Variants in FOXP1 observed in about 807,000 individuals in gnomAD.
The protein encoded by FOXP1 is forkhead box protein P1.
A neutral mutation model predicts 98.2 loss-of-function variants in FOXP1; 15 were observed. That is an observed-to-expected ratio of 0.15 (90% CI 0.10 to 0.24). The LOEUF (loss-of-function observed/expected upper bound fraction) is 0.24, where lower values mean the gene tolerates loss of function less well. Among genes scored for constraint, FOXP1 ranks in the 10% least tolerant of loss-of-function variants. FOXP1 has a pLI of 1.00. For missense variants in FOXP1, 633 were observed against 848.5 expected (o/e 0.75, Z 3.15); for synonymous variants, 371 against 314.5 (o/e 1.18, Z -1.90).
At chr3:71,105,113 A>C (rs1289387447) in intron 7 of FOXP1, among the ~76,000 whole-genome samples, 3 of 152,230 alleles carry the variant, frequency 2.0e-5, no homozygotes, top group Non-Finnish European at 2.9e-5. Flanking sequence ...TATCACAGAA[A>C]CCACTATGGG....
intron 4 of FOXP1, among the ~76,000 whole-genome samples, chr3:71,343,210 T>C (rs370267635): frequency 1.4e-4 from 22 of 152,362 alleles, no homozygotes; most frequent in African/African-American, 5.0e-4. Context: ...CCATTTATAG[T>C]TTCATCCCAA....
At chr3:71,348,540 TGTGTGTGTGCGTGC>T (rs2077535724) in intron 4 of FOXP1, among the ~76,000 whole-genome samples, 1 of 71,806 alleles carries the variant, frequency 1.4e-5, no homozygotes, top group African/African-American at 3.7e-5. Context: ...TGTGTGTGTG[TGTGTGTGTGCGTGC>T]GCGCGCGCAC....
chr3:71,149,345 A>T (rs2060465003), intron 6 of FOXP1, among the ~76,000 whole-genome samples: 1 of 152,232 alleles, frequency 6.6e-6, no homozygotes, highest in South Asian at 2.1e-4. Flanking sequence ...TATTGTATTT[A>T]ATAGAGTCTA....
chr3:71,046,540 C>T (rs752909179), intron 10 of FOXP1, among the ~76,000 whole-genome samples: 2 of 152,138 alleles, frequency 1.3e-5, no homozygotes, highest in Non-Finnish European at 2.9e-5. Context: ...TAAAGCATTA[C>T]TAAGATTTAA....
At chr3:71,041,216 C>T in intron 11 of FOXP1, 112 bp downstream of exon 11, 1 of 841,126 alleles carries the variant, frequency 1.2e-6, no homozygotes, top group Non-Finnish European at 2.1e-6. Flanking sequence ...ATTATATGCA[C>T]ATTCAAGTCA....
chr3:70,977,521 C>CCTTATAGAAAAGGTTTCAGCATG, intron 16 of FOXP1, 122 bp downstream of exon 16: 1 of 796,962 alleles, frequency 1.3e-6, no homozygotes, highest in Non-Finnish European at 2.1e-6. Context: ...TTTTAAAAAA[C>CCTTATAGAAAAGGTTTCAGCATG]CTTATAGAAA....
chr3:71,284,799 T>C (rs555432081), intron 5 of FOXP1, among the ~76,000 whole-genome samples: 2 of 152,234 alleles, frequency 1.3e-5, no homozygotes, highest in Admixed American at 6.5e-5. Flanking sequence ...TACCATATAC[T>C]GTATGGCTAC....
chr3:71,320,737 G>A (rs906893657), intron 4 of FOXP1, among the ~76,000 whole-genome samples: 3 of 152,088 alleles, frequency 2.0e-5, no homozygotes, highest in East Asian at 1.9e-4. Flanking sequence ...AGTAAACAAC[G>A]TTAACGGCAA....
chr3:71,562,949 T>C (rs1578191633), intron 2 of FOXP1, among the ~76,000 whole-genome samples: 1 of 152,320 alleles, frequency 6.6e-6, no homozygotes, highest in East Asian at 1.9e-4. Flanking sequence ...TTCTCATCCC[T>C]TCCTTTAAGA....
intron 4 of FOXP1, among the ~76,000 whole-genome samples, chr3:71,346,283 T>C (rs911937061): frequency 6.6e-6 from 1 of 152,184 alleles, no homozygotes; most frequent in Non-Finnish European, 1.5e-5. Context: ...AGCCTCACAC[T>C]TGGAAAGGTT....
intron 6 of FOXP1, chr3:71,130,516 G>C (rs756296086): frequency 6.3e-7 from 1 of 1,598,408 alleles, no homozygotes; most frequent in South Asian, 1.1e-5. Context: ...TGAAGAGTTT[G>C]GCGAAGGGAG....
At chr3:71,166,481 TA>T (rs1465289730) in intron 6 of FOXP1, among the ~76,000 whole-genome samples, 2 of 152,236 alleles carry the variant, frequency 1.3e-5, no homozygotes, top group African/African-American at 4.8e-5. Context: ...GGGAATTTAG[TA>T]AAAAGTTTAA....
rs147420585 is a variant in FOXP1, at chr3:71,037,048, T to C, written c.869+4280A>G. ...AACCACCAGTTCTATGACCCTGGGT[T>C]AGTTATTTAATTTCTATTATTCGAT... On this transcript the variant is annotated intron_variant, in intron 11 of 20. Coordinates refer to ENST00000649528, the MANE Select transcript of FOXP1 (RefSeq NM_001349338.3). 3.7e-4 allele frequency among the ~76,000 whole-genome samples: 56 copies of C among 152,306 alleles called. 2 individuals are homozygous for C. The highest frequency in any genetic ancestry group is 1.3e-3 in the African/African-American group (52 of 41,562).
At chr3:71,566,413 TACAG>T (rs1267039293) in intron 2 of FOXP1, among the ~76,000 whole-genome samples, 5 of 152,180 alleles carry the variant, frequency 3.3e-5, no homozygotes, top group South Asian at 4.1e-4. Flanking sequence ...GGAAAAATAA[TACAG>T]ACAGACTACG....
chr3:70,994,707 C>A (rs1310468076), intron 13 of FOXP1, among the ~76,000 whole-genome samples: 1 of 152,200 alleles, frequency 6.6e-6, no homozygotes, highest in Admixed American at 6.5e-5. Context: ...TTAAAGAATA[C>A]AAGGTACACA....
At chr3:71,458,815 G>T (rs2087744163) in intron 3 of FOXP1, among the ~76,000 whole-genome samples, 1 of 152,138 alleles carries the variant, frequency 6.6e-6, no homozygotes, top group South Asian at 2.1e-4. Flanking sequence ...ATAATGAAAA[G>T]AAAATGGGAT....
intron 5 of FOXP1, among the ~76,000 whole-genome samples, chr3:71,284,241 C>T (rs545831414): frequency 6.6e-6 from 1 of 152,244 alleles, no homozygotes; most frequent in East Asian, 1.9e-4. Context: ...ATTTTCCCCC[C>T]TCTAGAATAC....
rs372651823 is a variant in FOXP1, at chr3:71,568,480, A to C, written c.-298+13069T>G. Among the ~76,000 whole-genome samples, 190 of 152,242 alleles carry C rather than the reference A, an allele frequency of 1.2e-3. 1 individual carries two copies. In the South Asian group the frequency reaches 0.017, roughly 14 times the overall value. On this transcript the variant is annotated intron_variant, in intron 2 of 20. Coordinates refer to ENST00000649528, the MANE Select transcript of FOXP1 (RefSeq NM_001349338.3). ...CCTGTGCAGTCCCACAGGGCCCCAC[A>C]TACAGAAAAGCCCCAAGCTCAGAAG... is the stretch of plus-strand genomic sequence containing the variant.
rs531268004 is a variant in FOXP1, at chr3:71,004,458, G to C, written c.975-3399C>G. Among the ~76,000 whole-genome samples the C allele has an allele frequency of 7.0e-4, 106 of 152,196 alleles. 4 individuals carry two copies. The South Asian group carries it at 0.021, about 29-fold the overall frequency. ...GTAACACCAATAAAATGAAAAGAGA[G>C]TTGTAGTGATTAATAGTTAAGAATT... On this transcript the variant is annotated intron_variant, in intron 12 of 20. Coordinates refer to ENST00000649528, the MANE Select transcript of FOXP1 (RefSeq NM_001349338.3).
Sources: allele counts gnomAD v4.1 joint callset (sites outside exome capture counted in the v4.1 genomes callset), GRCh38; gene constraint gnomAD v4.1.1; transcripts MANE v1.5; gene names NCBI Gene and HGNC (gene_info 2026-07-23, HGNC 2026-07-21).